The following ZCCHC2 variants were observed in gnomAD, a reference collection of about 807,000 sequenced individuals.
ZCCHC2 encodes zinc finger CCHC-type containing 2.
ZCCHC2 carries 39 observed loss-of-function variants against 103.6 expected under a neutral mutation model. The ratio of observed to expected loss-of-function variants is 0.38; its 90% confidence interval spans 0.29 to 0.49. The LOEUF (loss-of-function observed/expected upper bound fraction) is 0.49, where lower values mean the gene tolerates loss of function less well. Ranked by LOEUF, ZCCHC2 falls within the 20% of genes least tolerant of loss-of-function variation. The pLI is 0.96. For missense variants in ZCCHC2, 1,483 were observed against 1,491.0 expected, an observed-to-expected ratio of 0.99 and a Z score of 0.09; for synonymous variants, 687 against 608.9, an observed-to-expected ratio of 1.13 and a Z score of -1.89.
intron 9 of ZCCHC2, 148 bp from the exon 10 acceptor site, chr18:62,564,423 T>G (rs1319550499): frequency 1.9e-6 from 1 of 514,936 alleles, no homozygotes; most frequent in Non-Finnish European, 3.4e-6. Context: ...TTTTAGTGGT[T>G]CAGGTGGGAA....
downstream of ZCCHC2, chr18:62,581,821 C>T (rs58071482): frequency 0.12 from 2,566 of 21,566 alleles, 149 homozygotes; most frequent in East Asian, 0.53. Flanking sequence ...GGACCCCTCC[C>T]GAGATGGTGT....
rs1916721418 is a variant in ZCCHC2 at position 62,574,385 on chromosome 18, C to T, written c.2304C>T (p.Thr768=). The T allele has an allele frequency of 6.2e-7, 1 of 1,614,010 alleles. No individual in the cohort carries two copies. Among genetic ancestry groups the T allele is most frequent in the East Asian group, 2.2e-5 (1 of 44,888 alleles). Reference sequence around the variant, plus strand: ...CAATAAGGGAGTCTGCAAATTCAACCCCTGTTGGAATACTAGGGCCAACAG... The same window carrying T: ...CAATAAGGGAGTCTGCAAATTCAACTCCTGTTGGAATACTAGGGCCAACAG... ...ISAIRESANS[T]PVGILGPTAC... Residue 768 remains threonine (T), a synonymous_variant, in exon 13 of 14, where the codon ACC becomes ACT. Coordinates refer to ENST00000269499, the MANE Select transcript of ZCCHC2 (RefSeq NM_017742.6).
In ZCCHC2 at chr18:62,574,607, A is replaced by G. The variant is rs778468578; in HGVS notation, c.2526A>G (p.Ala842=). 42 of 1,613,854 alleles carry G rather than the reference A, an allele frequency of 2.6e-5. No individual in the cohort carries two copies. The highest frequency in any genetic ancestry group is 3.1e-5 in the Non-Finnish European group (37 of 1,179,878). Residue 842 remains alanine, a synonymous_variant, in exon 13 of 14, where the codon GCA becomes GCG. Coordinates refer to ENST00000269499, the MANE Select transcript of ZCCHC2 (RefSeq NM_017742.6). ...AACCACCCGGAAGCCTGAGCATCGC[A>G]TCACCAAACACTGCCTTTATTCCTA... ...PQQPPGSLSI[A]SPNTAFIPIH... is the part of the protein sequence containing the mutation.
intron 6 of ZCCHC2, 118 bp from the exon 7 acceptor site, chr18:62,558,569 A>G: frequency 1.8e-6 from 1 of 569,300 alleles, no homozygotes; most frequent in Non-Finnish European, 3.0e-6. Context: ...ACTAGTAGCC[A>G]TGTTTTCTTC....
intron 2 of ZCCHC2, among the ~76,000 whole-genome samples, chr18:62,541,318 C>T (rs1221436569): frequency 6.6e-6 from 1 of 152,222 alleles, no homozygotes; most frequent in Non-Finnish European, 1.5e-5. Context: ...ACACAAAATA[C>T]TGGTAATGTT....
chr18:62,557,798 A>G (rs1206097194), intron 6 of ZCCHC2, among the ~76,000 whole-genome samples: 1 of 152,246 alleles, frequency 6.6e-6, no homozygotes, highest in Non-Finnish European at 1.5e-5. Flanking sequence ...GAGTTCATAT[A>G]TAAGTAATAA....
chr18:62,570,032 T>C, intron 11 of ZCCHC2, 71 bp from the exon 12 acceptor site: 2 of 1,426,960 alleles, frequency 1.4e-6, no homozygotes, highest in African/African-American at 1.5e-5. Context: ...AATTAATTTC[T>C]AATGATTCAA....
chr18:62,573,580 AAAG>A (rs1021646756), intron 12 of ZCCHC2, among the ~76,000 whole-genome samples: 1 of 152,224 alleles, frequency 6.6e-6, no homozygotes, highest in Non-Finnish European at 1.5e-5. Context: ...AACAACAACA[AAAG>A]AAAACTCTTC....
At position 62,523,605 on chromosome 18, in the gene ZCCHC2, C is replaced by T; in HGVS notation, c.181C>T (p.Pro61Ser). 1 of 1,110,696 alleles carries T rather than the reference C, an allele frequency of 9.0e-7. No individual in the cohort carries two copies. Among genetic ancestry groups the T allele is most frequent in the Non-Finnish European group, 1.1e-6 (1 of 912,358 alleles). 68.8% of individuals were successfully genotyped at this position (1,110,696 alleles called of 1,614,324 possible). ...AGPSRGPLPP[P>S]PPPRGLGPPV... is the part of the protein sequence containing the mutation. ...CCCGTCGCGGGGCCCTCTGCCGCCG[C>T]CGCCGCCGCCCCGGGGACTCGGGCC... Residue 61 changes from proline to serine, a missense_variant, in exon 1 of 14, where the codon CCG becomes TCG. Physicochemically the swap from Pro to Ser is moderately conservative, Grantham distance 74. This residue lies in a region of ZCCHC2 where 568 missense variants were observed against 525.1 expected (regional missense o/e 1.08). Coordinates refer to ENST00000269499, the MANE Select transcript of ZCCHC2 (RefSeq NM_017742.6).
chr18:62,556,717 C>G (rs111971441), intron 6 of ZCCHC2, among the ~76,000 whole-genome samples: 1 of 152,190 alleles, frequency 6.6e-6, no homozygotes, highest in African/African-American at 2.4e-5. Flanking sequence ...TCTTTGTTTT[C>G]ATCACGGAAA....
chr18:62,579,547 C>A (rs1382784710), downstream of ZCCHC2, among the ~76,000 whole-genome samples: 1 of 152,124 alleles, frequency 6.6e-6, no homozygotes, highest in African/African-American at 2.4e-5. Flanking sequence ...TATAAATTCC[C>A]TGATTGTTTA....
At position 62,556,225 on chromosome 18, in the gene ZCCHC2, C is replaced by A. The variant is rs370446804; in HGVS notation, c.1336C>A (p.Gln446Lys). ...CAGGCAGCTATTTTCAAGTTCATCA[C>A]AAGCTTTTCTACAAAGTCAGAAAGT... is the stretch of plus-strand genomic sequence containing the variant. ...ILRQLFSSSS[Q>K]AFLQSQKVHS... is the part of the protein sequence containing the mutation. Residue 446 changes from glutamine (Q) to lysine (K), a missense_variant, in exon 6 of 14, where the codon CAA becomes AAA. By Grantham distance (53) the Gln-to-Lys change is moderately conservative. Coordinates refer to ENST00000269499, the MANE Select transcript of ZCCHC2 (RefSeq NM_017742.6). The A allele has an allele frequency of 6.2e-7, 1 of 1,603,654 alleles. No individual in the cohort carries two copies. The highest frequency in any genetic ancestry group is 1.3e-5 in the African/African-American group (1 of 74,810).
intron 1 of ZCCHC2, chr18:62,526,883 C>T (rs1029015186): frequency 2.6e-5 from 4 of 151,920 alleles, no homozygotes; most frequent in East Asian, 1.9e-4. Flanking sequence ...CCTCTTCCCG[C>T]GGAGGCCAGG....
intron 1 of ZCCHC2, among the ~76,000 whole-genome samples, chr18:62,530,825 T>G (rs1393954267): frequency 6.6e-6 from 1 of 152,246 alleles, no homozygotes; most frequent in African/African-American, 2.4e-5. Flanking sequence ...TTATTAATTA[T>G]CGTGCAGTTG....
intron 9 of ZCCHC2, 114 bp from the exon 10 acceptor site, chr18:62,564,456 CA>C: frequency 1.4e-6 from 1 of 728,470 alleles, no homozygotes; most frequent in South Asian, 2.9e-5. Context: ...GGTTGGAAAT[CA>C]ACACTTGTTA....
intron 2 of ZCCHC2, among the ~76,000 whole-genome samples, chr18:62,540,518 T>C (rs1351966852): frequency 6.6e-6 from 1 of 152,060 alleles, no homozygotes; most frequent in Non-Finnish European, 1.5e-5. Flanking sequence ...GAATTTTTAA[T>C]GTTGAACATA....
At chr18:62,579,119 G>A (rs1245948419), downstream of ZCCHC2, among the ~76,000 whole-genome samples, 1 of 152,164 alleles carries the variant, frequency 6.6e-6, no homozygotes, top group Non-Finnish European at 1.5e-5. Flanking sequence ...GAGAAAGGGG[G>A]ACTGCACTCC....
chr18:62,550,652 C>T (rs565918467), intron 5 of ZCCHC2, among the ~76,000 whole-genome samples, 192 bp downstream of exon 5: 5 of 152,342 alleles, frequency 3.3e-5, no homozygotes, highest in South Asian at 2.1e-4. Context: ...TCATTGTACT[C>T]TTCAGTTCTC....
intron 6 of ZCCHC2, among the ~76,000 whole-genome samples, chr18:62,558,299 G>A (rs904303404): frequency 2.0e-5 from 3 of 152,140 alleles, no homozygotes; most frequent in Admixed American, 6.5e-5. Context: ...ACAGTGCCAC[G>A]TTATTTTATT....
Sources: gnomAD v4.1 joint callset for allele counts (sites outside exome capture counted in the v4.1 genomes callset) on GRCh38, gnomAD v4.1.1 for gene constraint, gnomAD v4.1.1 regional missense constraint, MANE v1.5 for transcripts, NCBI Gene and HGNC (gene_info 2026-07-23, HGNC 2026-07-21) for gene names.